Variants in MIR2052HG observed in about 807,000 individuals in gnomAD.
MIR2052HG encodes the protein MIR2052 host gene.
At chr8:74,689,672 A>C (rs568283905) in intron 2 of MIR2052HG, among the ~76,000 whole-genome samples, 1 of 152,356 alleles carries the variant, frequency 6.6e-6, no homozygotes, top group South Asian at 2.1e-4. Flanking sequence ...TATTTGGGGC[A>C]GAAAATGTAA....
chr8:74,655,561 A>C (rs1438529867), intron 2 of MIR2052HG, among the ~76,000 whole-genome samples: 1 of 152,190 alleles, frequency 6.6e-6, no homozygotes, highest in Non-Finnish European at 1.5e-5. Flanking sequence ...CATGGTGTTG[A>C]GACTGTGCAT....
intron 2 of MIR2052HG, among the ~76,000 whole-genome samples, chr8:74,693,617 G>T: frequency 6.8e-6 from 1 of 146,042 alleles, no homozygotes; most frequent in South Asian, 2.4e-4. Flanking sequence ...GGGCGGGGGG[G>T]GAGGGGTGGG....
intron 2 of MIR2052HG, among the ~76,000 whole-genome samples, chr8:74,694,449 G>A (rs996385649): frequency 6.6e-6 from 1 of 152,118 alleles, no homozygotes; most frequent in East Asian, 1.9e-4. Flanking sequence ...GACGAAACTA[G>A]GTTCTTTAAC....
At chr8:74,629,090 A>T (rs906821866) in intron 2 of MIR2052HG, among the ~76,000 whole-genome samples, 1 of 152,226 alleles carries the variant, frequency 6.6e-6, no homozygotes, top group African/African-American at 2.4e-5. Context: ...TTGCTTTCAC[A>T]CAGATTTGCT....
Position 74,644,917 on chromosome 8 carries a change from AT to A in MIR2052HG, n.216+31978del, listed in dbSNP as rs953393592. ...AAAATAAAATAAAATAAAATAAAAAATAAAAAACAAAAGCAAACTAACAAAC... is the reference window on the plus strand; with the variant it reads ...AAAATAAAATAAAATAAAATAAAAAAAAAAAACAAAAGCAAACTAACAAAC... On this transcript the variant is annotated intron_variant and non_coding_transcript_variant, in intron 2 of 6. Transcript: ENST00000523442. Among the ~76,000 whole-genome samples the A allele has an allele frequency of 9.9e-5, 15 of 152,246 alleles. No individual in the cohort carries two copies. The East Asian group carries it at 2.3e-3, about 24-fold the overall frequency.
At chr8:74,752,201 C>T (rs945678497) in intron 4 of MIR2052HG, among the ~76,000 whole-genome samples, 1 of 149,578 alleles carries the variant, frequency 6.7e-6, no homozygotes, top group Non-Finnish European at 1.5e-5. Context: ...AGGATTTCCT[C>T]AGCCTGGGAG....
intron 4 of MIR2052HG, among the ~76,000 whole-genome samples, chr8:74,716,795 G>A (rs952921549): frequency 3.3e-5 from 5 of 152,216 alleles, no homozygotes; most frequent in African/African-American, 1.2e-4. Context: ...GCCTCTGTAC[G>A]TGGATATGTG....
chr8:74,666,742 C>T (rs898694962), intron 2 of MIR2052HG, among the ~76,000 whole-genome samples: 1 of 152,210 alleles, frequency 6.6e-6, no homozygotes, highest in Non-Finnish European at 1.5e-5. Context: ...GATTTACTCT[C>T]CCACCAACAG....
chr8:74,654,211 C>T (rs1019374277), intron 2 of MIR2052HG, among the ~76,000 whole-genome samples: 2 of 152,050 alleles, frequency 1.3e-5, no homozygotes, highest in African/African-American at 4.8e-5. Context: ...GAGAACTTGA[C>T]ATGTGCCCCT....
intron 2 of MIR2052HG, among the ~76,000 whole-genome samples, chr8:74,694,806 C>T (rs1335637123): frequency 6.6e-6 from 1 of 151,968 alleles, no homozygotes; most frequent in Admixed American, 6.6e-5. Flanking sequence ...AAAAAATGAA[C>T]AAAGCCTCCA....
chr8:74,603,908 T>G (rs1586884480), intron 1 of MIR2052HG: 2 of 1,107,938 alleles, frequency 1.8e-6, no homozygotes, highest in Non-Finnish European at 1.4e-6. Flanking sequence ...CCTTTTCCAA[T>G]GAGAGAGCCA....
At chr8:74,704,299 G>A (rs917615825) in intron 4 of MIR2052HG, among the ~76,000 whole-genome samples, 1 of 151,870 alleles carries the variant, frequency 6.6e-6, no homozygotes, top group Admixed American at 6.6e-5. Context: ...TTGTTCCTTC[G>A]GGACAGTGCA....
chr8:74,655,762 C>A (rs1307351192), intron 2 of MIR2052HG, among the ~76,000 whole-genome samples: 3 of 152,164 alleles, frequency 2.0e-5, no homozygotes, highest in Non-Finnish European at 4.4e-5. Context: ...AGGGCATCAT[C>A]TAGTGAAGCT....
intron 4 of MIR2052HG, among the ~76,000 whole-genome samples, chr8:74,713,750 A>C (rs1809493502): frequency 6.6e-6 from 1 of 152,188 alleles, no homozygotes; most frequent in Non-Finnish European, 1.5e-5. Flanking sequence ...CTAAATTTGC[A>C]TTATAAATTT....
At chr8:74,743,765 C>T (rs533842262) in intron 4 of MIR2052HG, among the ~76,000 whole-genome samples, 11 of 152,288 alleles carry the variant, frequency 7.2e-5, no homozygotes, top group Admixed American at 4.6e-4. Context: ...TCCCACATCA[C>T]TGAAATTCCC....
chr8:74,618,275 G>T (rs1207797821), intron 2 of MIR2052HG, among the ~76,000 whole-genome samples: 1 of 152,108 alleles, frequency 6.6e-6, no homozygotes, highest in Non-Finnish European at 1.5e-5. Context: ...TTTTTTAATA[G>T]AATTTATCAC....
At chr8:74,716,703 C>G (rs867758219) in intron 4 of MIR2052HG, among the ~76,000 whole-genome samples, 1 of 151,820 alleles carries the variant, frequency 6.6e-6, no homozygotes, top group African/African-American at 2.4e-5. Context: ...GAACAAGACT[C>G]TGTCTCAAAA....
At chr8:74,668,067 G>A (rs1223632872) in intron 2 of MIR2052HG, among the ~76,000 whole-genome samples, 1 of 151,116 alleles carries the variant, frequency 6.6e-6, no homozygotes, top group Admixed American at 6.6e-5. Flanking sequence ...TGCAGGAGTC[G>A]CTGCATGACC....
intron 4 of MIR2052HG, among the ~76,000 whole-genome samples, chr8:74,745,845 C>T (rs750055128): frequency 2.6e-5 from 4 of 152,130 alleles, no homozygotes; most frequent in Non-Finnish European, 5.9e-5. Flanking sequence ...AATCTTAGTT[C>T]AGCCTTTTGC....
Sources: gnomAD v4.1 joint callset for allele counts (sites outside exome capture counted in the v4.1 genomes callset) on GRCh38, gnomAD v4.1.1 for gene constraint, MANE v1.5 for transcripts, NCBI Gene and HGNC (gene_info 2026-07-23, HGNC 2026-07-21) for gene names.